The following EDA variants were observed in gnomAD, a reference collection of about 807,000 sequenced individuals.
The protein encoded by EDA is ectodysplasin-A.
A neutral mutation model predicts 23.6 loss-of-function variants in EDA; 2 were observed. That is an observed-to-expected ratio of 0.08 (90% CI 0.03 to 0.27). The LOEUF (loss-of-function observed/expected upper bound fraction) is 0.27, where lower values mean the gene tolerates loss of function less well. EDA is among the 10% of genes least tolerant of loss of function. The probability of loss-of-function intolerance (pLI) is 1.00; values close to 1 mark genes in which losing one functional copy is unlikely to be tolerated. For missense variants in EDA, 229 were observed against 324.2 expected (o/e 0.71, Z 2.26); for synonymous variants, 131 against 132.0 (o/e 0.99, Z 0.05).
chrX:69,801,976 T>C (rs2015699088), intron 1 of EDA, among the ~76,000 whole-genome samples: 1 of 111,741 alleles, frequency 8.9e-6, no homozygotes, highest in Non-Finnish European at 1.9e-5. Flanking sequence ...ATGTAACTGA[T>C]GAATGACCCA....
chrX:69,886,995 G>T (rs955640188), intron 1 of EDA, among the ~76,000 whole-genome samples: 8 of 112,172 alleles, frequency 7.1e-5, no homozygotes, highest in Non-Finnish European at 1.1e-4. Context: ...AACAAATAAA[G>T]TTCCAATTAC....
intron 1 of EDA, among the ~76,000 whole-genome samples, chrX:69,710,449 T>C (rs2011946232): frequency 9.0e-6 from 1 of 111,648 alleles, no homozygotes; most frequent in Admixed American, 9.5e-5. Context: ...AGCTTTGTTC[T>C]TTTGGCGTAG....
intron 1 of EDA, among the ~76,000 whole-genome samples, chrX:69,863,593 A>G (rs1319812036): frequency 1.2e-5 from 1 of 81,994 alleles, no homozygotes; most frequent in Non-Finnish European, 2.4e-5. Context: ...ATATATACAT[A>G]TATGTATATA....
At position 70,036,356 on chromosome X, in the gene EDA, A is replaced by G. The variant is rs2020267277; in HGVS notation, c.*747A>G. 9.0e-6 allele frequency: 1 copy of G among 111,623 alleles called. No homozygotes were observed. The highest frequency in any genetic ancestry group is 1.9e-5 in the Non-Finnish European group (1 of 52,968). The allele number at this position is 111,623 out of a possible 1,213,427, so 9.2% of individuals were successfully genotyped here. A position where few individuals can be genotyped will look rare whatever the true frequency, so the allele number is the denominator to read the frequency against. ...GGGTCACATGACTCTCATTTTATTT[A>G]CAGCTGTGCTCCACACTCAGAAAAT... is the stretch of plus-strand genomic sequence containing the variant. On this transcript the variant is annotated 3_prime_UTR_variant, in exon 8 of 8. Coordinates refer to ENST00000374552, the MANE Select transcript of EDA (RefSeq NM_001399.5).
intron 1 of EDA, among the ~76,000 whole-genome samples, chrX:69,808,312 G>A (rs905697069): frequency 8.9e-6 from 1 of 111,771 alleles, no homozygotes; most frequent in Non-Finnish European, 1.9e-5. Context: ...CAGAGTTCAG[G>A]AAGGTTCCAA....
intron 1 of EDA, among the ~76,000 whole-genome samples, chrX:69,811,106 A>T (rs1261481196): frequency 8.9e-6 from 1 of 111,775 alleles, no homozygotes; most frequent in Non-Finnish European, 1.9e-5. Context: ...CCACATGGTG[A>T]CTACTCTGCT....
At chrX:69,825,157 C>T (rs1406401982) in intron 1 of EDA, among the ~76,000 whole-genome samples, 1 of 102,308 alleles carries the variant, frequency 9.8e-6, no homozygotes, top group African/African-American at 3.6e-5. Context: ...GTCTAAAATT[C>T]TCTTTTTTGG....
At chrX:69,808,849 G>A (rs2015875398) in intron 1 of EDA, among the ~76,000 whole-genome samples, 1 of 111,949 alleles carries the variant, frequency 8.9e-6, no homozygotes, top group African/African-American at 3.2e-5. Flanking sequence ...TTGGCTATGG[G>A]CCTTAATCAG....
At chrX:69,936,545 T>C (rs2018676028) in intron 1 of EDA, among the ~76,000 whole-genome samples, 1 of 112,235 alleles carries the variant, frequency 8.9e-6, no homozygotes, top group Non-Finnish European at 1.9e-5. Context: ...AATTGACAGT[T>C]TGCACAATAA....
At chrX:69,929,704 TTTTGTGTGTGTGTGTGTGTG>T (rs1427399742) in intron 1 of EDA, among the ~76,000 whole-genome samples, 1 of 64,379 alleles carries the variant, frequency 1.6e-5, no homozygotes, top group East Asian at 2.8e-3. Context: ...TTCATTCTAT[TTTTGTGTGTGTGTGTGTGTG>T]TGTGTGTGTG....
intron 1 of EDA, among the ~76,000 whole-genome samples, chrX:69,695,348 A>G (rs1325022787): frequency 9.1e-6 from 1 of 110,378 alleles, no homozygotes; most frequent in Non-Finnish European, 1.9e-5. Flanking sequence ...ATATATATAT[A>G]TGGTTTAAAA....
At chrX:69,772,783 T>C (rs144760293) in intron 1 of EDA, among the ~76,000 whole-genome samples, 85 of 112,004 alleles carry the variant, frequency 7.6e-4, no homozygotes, top group African/African-American at 2.7e-3. Context: ...GGTCTCCAGC[T>C]GCATCCATGC....
chrX:69,807,140 A>G (rs1031958978), intron 1 of EDA, among the ~76,000 whole-genome samples: 7 of 110,578 alleles, frequency 6.3e-5, no homozygotes, highest in Admixed American at 4.9e-4. Flanking sequence ...TGAATGACAT[A>G]TATTTATGAA....
intron 1 of EDA, among the ~76,000 whole-genome samples, chrX:69,862,248 G>T (rs2017398011): frequency 9.0e-6 from 1 of 111,182 alleles, no homozygotes; most frequent in South Asian, 3.8e-4. Context: ...CATGTTACCT[G>T]GCTTCCTCCA....
At chrX:69,765,362 C>T (rs898458455) in intron 1 of EDA, among the ~76,000 whole-genome samples, 1 of 112,194 alleles carries the variant, frequency 8.9e-6, no homozygotes, top group Non-Finnish European at 1.9e-5. Context: ...GAGTAACCTA[C>T]GGTTAAATTA....
At chrX:69,881,327 G>A (rs1052922149) in intron 1 of EDA, among the ~76,000 whole-genome samples, 25 of 110,554 alleles carry the variant, frequency 2.3e-4, no homozygotes, top group African/African-American at 6.9e-4. Flanking sequence ...TTTGGCCTTC[G>A]TAACAAAGGT....
rs1319405006 is a variant in EDA at position 70,034,850 on chromosome X, G to A, written c.925-508G>A. On this transcript the variant is annotated intron_variant, in intron 7 of 7. Coordinates refer to ENST00000374552, the MANE Select transcript of EDA (RefSeq NM_001399.5). ...AGTCCAGGCCCAGGGGAGGGGTGGT[G>A]CAAGCTGAATAAGCTTCTGTTAAGG... 5.4e-5 allele frequency among the ~76,000 whole-genome samples: 6 copies of A among 111,936 alleles called. No individual in the cohort carries two copies. The Admixed American group carries it at 5.7e-4, about 11-fold the overall frequency.
chrX:69,806,896 G>T (rs1416929280), intron 1 of EDA, among the ~76,000 whole-genome samples: 1 of 111,161 alleles, frequency 9.0e-6, no homozygotes, highest in Non-Finnish European at 1.9e-5. Flanking sequence ...GCAAGAAGAG[G>T]CTTGAGGGTA....
intron 1 of EDA, among the ~76,000 whole-genome samples, chrX:69,945,300 T>C (rs1006210502): frequency 8.9e-6 from 1 of 111,982 alleles, no homozygotes; most frequent in East Asian, 2.8e-4. Context: ...GTCATTTTAA[T>C]GGGATCTTGG....
Sources: allele counts gnomAD v4.1 joint callset (sites outside exome capture counted in the v4.1 genomes callset), GRCh38; gene constraint gnomAD v4.1.1; transcripts MANE v1.5; gene names NCBI Gene and HGNC (gene_info 2026-07-23, HGNC 2026-07-21).